Variants in FAM204A observed in about 807,000 individuals in gnomAD.
FAM204A encodes protein FAM204A.
Under a neutral mutation model 35.4 loss-of-function variants are expected in FAM204A, and 16 were observed. The ratio of observed to expected loss-of-function variants is 0.45; its 90% CI spans 0.31 to 0.69. The LOEUF (loss-of-function observed/expected upper bound fraction) is 0.69, where lower values mean the gene tolerates loss of function less well. FAM204A is among the 30% of genes least tolerant of loss of function. The pLI, the probability that FAM204A is intolerant of heterozygous loss-of-function variation, is 0.07. For missense variants in FAM204A, 240 were observed against 265.7 expected, an observed-to-expected ratio of 0.90 and a Z score of 0.67; for synonymous variants, 76 against 86.9, an observed-to-expected ratio of 0.88 and a Z score of 0.70.
chr10:118,328,726 C>T (rs1181945623), intron 6 of FAM204A, among the ~76,000 whole-genome samples: 4 of 151,950 alleles, frequency 2.6e-5, no homozygotes, highest in Non-Finnish European at 5.9e-5. Context: ...CTCCTGACCT[C>T]GTGATCTGCC....
Position 118,309,182 on chromosome 10 carries a change from A to G in FAM204A, c.*1675T>C, listed in dbSNP as rs1845909847. ...AAATCATAAAATAAGACTTTCCAACATTTGGTCTGGATACTGAATTAGTAT... is the reference window on the plus strand; with the variant it reads ...AAATCATAAAATAAGACTTTCCAACGTTTGGTCTGGATACTGAATTAGTAT... On this transcript the variant is annotated 3_prime_UTR_variant, in exon 9 of 9. Coordinates refer to ENST00000369183, the MANE Select transcript of FAM204A (RefSeq NM_022063.3). 1 of 152,232 alleles carries G rather than the reference A, an allele frequency of 6.6e-6. No individual in the cohort carries two copies. The highest frequency in any genetic ancestry group is 2.4e-5 in the African/African-American group (1 of 41,458). The allele number at this position is 152,232 out of a possible 1,614,324, so 9.4% of individuals were successfully genotyped here. A position where few individuals can be genotyped will look rare whatever the true frequency, so the allele number is the denominator to read the frequency against.
At position 118,326,181 on chromosome 10, in the gene FAM204A, T is replaced by C; in HGVS notation, c.516A>G (p.Glu172=). 6.2e-7 allele frequency: 1 copy of C among 1,613,936 alleles called. No homozygotes were observed. Among genetic ancestry groups the C allele is most frequent in the Non-Finnish European group, 8.5e-7 (1 of 1,179,876 alleles). The change falls in exon 7 of 9, where the codon GAA becomes GAG. Residue 172 remains glutamate, a synonymous_variant. Transcript: ENST00000369183. ...VEEWNIEKAE[E]LSNQLATREL... The stretch of plus-strand genomic sequence containing the variant: ...CTCGAGTAGCTAGCTGGTTGCTGAG[T>C]TCCTCAGCCTTCTCAATATTCCACT...
chr10:118,320,582 T>A (rs1022623934), intron 7 of FAM204A, among the ~76,000 whole-genome samples: 7 of 151,832 alleles, frequency 4.6e-5, no homozygotes, highest in African/African-American at 1.7e-4. Flanking sequence ...ATATTTCAAA[T>A]TAGAACAGTT....
chr10:118,340,443 G>T (rs1018129728), intron 2 of FAM204A, among the ~76,000 whole-genome samples: 1 of 152,172 alleles, frequency 6.6e-6, no homozygotes, highest in African/African-American at 2.4e-5. Flanking sequence ...TCTCTGAGAT[G>T]TCTTACAGCT....
intron 6 of FAM204A, among the ~76,000 whole-genome samples, chr10:118,333,041 A>T (rs1846317114): frequency 6.6e-6 from 1 of 152,212 alleles, no homozygotes; most frequent in Non-Finnish European, 1.5e-5. Flanking sequence ...ACTTTAAAAC[A>T]GCTTTGGATA....
chr10:118,320,189 TAAC>T (rs999604740), intron 7 of FAM204A, among the ~76,000 whole-genome samples: 7 of 141,768 alleles, frequency 4.9e-5, no homozygotes, highest in Non-Finnish European at 9.4e-5. Flanking sequence ...GTTACTACTT[TAAC>T]ATTATTAACT....
chr10:118,321,724 C>CAAAACAA (rs1846119849), intron 7 of FAM204A, among the ~76,000 whole-genome samples: 1 of 87,260 alleles, frequency 1.1e-5, no homozygotes, highest in Non-Finnish European at 2.1e-5. Flanking sequence ...TATGACAAAG[C>CAAAACAA]AAAAAAAAAA....
intron 7 of FAM204A, among the ~76,000 whole-genome samples, chr10:118,316,231 A>C (rs1393265376): frequency 6.6e-6 from 1 of 152,190 alleles, no homozygotes; most frequent in Non-Finnish European, 1.5e-5. Flanking sequence ...TTGATTTTTA[A>C]AAAACAGCTC....
At chr10:118,319,148 CAGATGTTAATAT>C (rs1453412418) in intron 7 of FAM204A, among the ~76,000 whole-genome samples, 4 of 152,088 alleles carry the variant, frequency 2.6e-5, no homozygotes, top group South Asian at 4.1e-4. Flanking sequence ...GACTACTTCT[CAGATGTTAATAT>C]AAAACGAAAA....
chr10:118,340,414 T>C (rs377209474), intron 2 of FAM204A, among the ~76,000 whole-genome samples: 13 of 152,272 alleles, frequency 8.5e-5, no homozygotes, highest in African/African-American at 3.1e-4. Context: ...AGCTATAAAA[T>C]AAAGGTTTGA....
intron 6 of FAM204A, among the ~76,000 whole-genome samples, chr10:118,333,842 A>G (rs1234772270): frequency 6.6e-6 from 1 of 152,220 alleles, no homozygotes; most frequent in East Asian, 1.9e-4. Flanking sequence ...TCAATAACAC[A>G]GTACCATGCA....
At chr10:118,313,884 C>T (rs1404844173) in intron 7 of FAM204A, among the ~76,000 whole-genome samples, 1 of 152,200 alleles carries the variant, frequency 6.6e-6, no homozygotes, top group Non-Finnish European at 1.5e-5. Flanking sequence ...AATTTCCCAA[C>T]ATGGCTGTCC....
Position 118,335,613 on chromosome 10 carries a change from G to T in FAM204A, c.263C>A (p.Ser88Tyr), listed in dbSNP as rs1345018364. The T allele has an allele frequency of 6.2e-7, 1 of 1,608,220 alleles. No homozygotes were observed. Among genetic ancestry groups the T allele is most frequent in the African/African-American group, 1.3e-5 (1 of 74,460 alleles). Residue 88 changes from serine (S) to tyrosine (Y), a missense_variant, in exon 4 of 9, where the codon TCT (serine) becomes TAT (tyrosine). Transcript: ENST00000369183. ...TCTTGAGGTTGTGCTTTTCTGTTCA[G>T]AATGTTTTTTATGCAATTCTTGAAA... The part of the protein sequence containing the change: ...NKFQELHKKH[S>Y]EQKSTTSRFR...
At position 118,335,216 on chromosome 10, in the gene FAM204A, A is replaced by G. The variant is rs748945395; in HGVS notation, c.354-3T>C. 3 of 1,610,770 alleles carry G rather than the reference A, an allele frequency of 1.9e-6. No individual in the cohort carries two copies. Among genetic ancestry groups the G allele is most frequent in the South Asian group, 2.2e-5 (2 of 90,534 alleles). On this transcript the variant is annotated splice_region_variant and splice_polypyrimidine_tract_variant and intron_variant, in intron 5 of 8. Transcript: ENST00000369183. Reference sequence around the variant, plus strand: ...GGGTTTCATTTGAGGACGGTTCACTAAAAGAAGATAGTAAGTTTTGTTTTA... The same window carrying G: ...GGGTTTCATTTGAGGACGGTTCACTGAAAGAAGATAGTAAGTTTTGTTTTA...
In FAM204A at chr10:118,303,473, A is replaced by C. The variant is rs577505985; in HGVS notation, c.*7384T>G. 6.6e-6 allele frequency: 1 copy of C among 152,354 alleles called. No individual in the cohort carries two copies. The highest frequency in any genetic ancestry group is 2.1e-4 in the South Asian group (1 of 4,824). The allele number at this position is 152,354 out of a possible 1,614,324, so 9.4% of individuals were successfully genotyped here. A position where few individuals can be genotyped will look rare whatever the true frequency, so the allele number is the denominator to read the frequency against. ...CCATCCCTCCTTTCATCCCATGTAA[A>C]ATGCTGGCCTGCAGTGACTGACTGA... On this transcript the variant is annotated 3_prime_UTR_variant, in exon 9 of 9. Transcript: ENST00000369183.
chr10:118,329,916 A>G (rs1453311676), intron 6 of FAM204A, among the ~76,000 whole-genome samples: 2 of 152,166 alleles, frequency 1.3e-5, no homozygotes, highest in South Asian at 4.1e-4. Context: ...CAACTGTAAT[A>G]TTGAAGTAAT....
rs185684479 is a variant in FAM204A, at chr10:118,322,280, C to T, written c.543+3874G>A. The T allele has an allele frequency of 4.2e-3, 1,899 of 453,594 alleles. 13 individuals are homozygous for T. Among genetic ancestry groups the T allele is most frequent in the Non-Finnish European group, 6.6e-3 (1,489 of 225,270 alleles). 28.1% of individuals were successfully genotyped at this position (453,594 alleles called of 1,614,324 possible). A position where few individuals can be genotyped will look rare whatever the true frequency, so the allele number is the denominator to read the frequency against. Reference sequence around the variant, plus strand: ...TCCAAAGAAAGAAACAATAACATCACAGTGGAGAAATCTGGAGACACTACC... The same window carrying T: ...TCCAAAGAAAGAAACAATAACATCATAGTGGAGAAATCTGGAGACACTACC... On this transcript the variant is annotated intron_variant, in intron 7 of 8. Transcript: ENST00000369183.
intron 6 of FAM204A, chr10:118,326,464 G>C: frequency 2.1e-6 from 1 of 479,304 alleles, no homozygotes; most frequent in East Asian, 3.7e-5. Flanking sequence ...ATAAAAATAA[G>C]ACGCAAATCC....
In FAM204A at chr10:118,310,852, G is replaced by T; in HGVS notation, c.*5C>A. The T allele has an allele frequency of 6.3e-7, 1 of 1,598,416 alleles. No individual in the cohort carries two copies. On this transcript the variant is annotated 3_prime_UTR_variant, in exon 9 of 9. Transcript: ENST00000369183. ...TCTACAAATGTCTTGAAGCACTCTG[G>T]CAAGTTACATGTATCCCATGTTGCT...
Sources: gnomAD v4.1 joint callset for allele counts (sites outside exome capture counted in the v4.1 genomes callset) on GRCh38, gnomAD v4.1.1 for gene constraint, MANE v1.5 for transcripts, NCBI Gene and HGNC (gene_info 2026-07-23, HGNC 2026-07-21) for gene names.